ACTR3C: variants seen among roughly 807,000 people sequenced by gnomAD.
ACTR3C encodes the protein actin-related protein 3C.
In ACTR3C, 18 loss-of-function variants were observed where a neutral mutation model predicts 26.3. That is an observed-to-expected ratio of 0.68 (90% CI 0.47 to 1.01). ACTR3C has a LOEUF of 1.01. Ranked by LOEUF, ACTR3C falls within the 50% of genes least tolerant of loss-of-function variation. The pLI, the probability that ACTR3C is intolerant of heterozygous loss-of-function variation, is 0.00. For missense variants in ACTR3C, 184 were observed against 250.7 expected (o/e 0.73, Z 1.80); for synonymous variants, 55 against 94.5 (o/e 0.58, Z 2.42).
intron 1 of ACTR3C, among the ~76,000 whole-genome samples, chr7:150,301,457 C>T (rs1419911968): frequency 6.6e-6 from 1 of 152,190 alleles, no homozygotes; most frequent in Non-Finnish European, 1.5e-5. Context: ...CCAAATAAAT[C>T]CCAGATGGAT....
chr7:149,953,134 G>C, the ACTR3C span, among the ~76,000 whole-genome samples: 1 of 148,738 alleles, frequency 6.7e-6, no homozygotes. Flanking sequence ...TAAATGTGTA[G>C]TTAGAGACAT....
chr7:150,124,529 G>C, the ACTR3C span, among the ~76,000 whole-genome samples: 1 of 152,194 alleles, frequency 6.6e-6, no homozygotes, highest in Non-Finnish European at 1.5e-5. Flanking sequence ...TGTCTCAGAT[G>C]TTTCAGTGTT....
chr7:150,242,668 G>A (rs1336494941), downstream of ACTR3C, among the ~76,000 whole-genome samples: 1 of 152,192 alleles, frequency 6.6e-6, no homozygotes, highest in Admixed American at 6.5e-5. Context: ...TAGAAAAGGA[G>A]TATGTATGTG....
chr7:150,062,497 C>T, the ACTR3C span, among the ~76,000 whole-genome samples: 2 of 150,068 alleles, frequency 1.3e-5, no homozygotes, highest in Non-Finnish European at 2.9e-5. Flanking sequence ...CTGGAACACT[C>T]GAGATGGGCA....
chr7:149,953,656 T>C, the ACTR3C span, among the ~76,000 whole-genome samples: 4 of 152,300 alleles, frequency 2.6e-5, no homozygotes, highest in Middle Eastern at 0.01. Flanking sequence ...AAACACTCCG[T>C]CTTCGTTGCC....
At chr7:150,218,385 C>T in the ACTR3C span, among the ~76,000 whole-genome samples, 1 of 152,114 alleles carries the variant, frequency 6.6e-6, no homozygotes, top group Non-Finnish European at 1.5e-5. Flanking sequence ...TATTTTTTTT[C>T]CTTCTAGCTA....
At chr7:149,972,887 C>T in the ACTR3C span, among the ~76,000 whole-genome samples, 2 of 144,680 alleles carry the variant, frequency 1.4e-5, no homozygotes, top group African/African-American at 5.6e-5. Flanking sequence ...AAGCCCCGTG[C>T]GTGGGCGGCA....
At chr7:150,131,942 G>C in the ACTR3C span, among the ~76,000 whole-genome samples, 12 of 152,342 alleles carry the variant, frequency 7.9e-5, no homozygotes, top group South Asian at 2.5e-3. Context: ...CTGTGTGAAA[G>C]AAGCCAGCCA....
the ACTR3C span, among the ~76,000 whole-genome samples, chr7:149,889,202 A>G: frequency 1.3e-5 from 2 of 152,188 alleles, no homozygotes; most frequent in Non-Finnish European, 2.9e-5. Flanking sequence ...TTGAACTCTT[A>G]CTTCACAAAA....
the ACTR3C span, among the ~76,000 whole-genome samples, chr7:150,159,666 A>G: frequency 6.6e-6 from 1 of 152,106 alleles, no homozygotes; most frequent in East Asian, 1.9e-4. Flanking sequence ...GCACATCTCC[A>G]AGGAAGCAAG....
chr7:149,936,401 T>G, the ACTR3C span, among the ~76,000 whole-genome samples: 1 of 152,200 alleles, frequency 6.6e-6, no homozygotes, highest in African/African-American at 2.4e-5. Flanking sequence ...TGAGTTGAAC[T>G]TTCCATGATA....
chr7:150,312,382 C>CA lies in ACTR3C; in HGVS notation c.-52+11086dup, dbSNP rs541705257. 2.7e-3 allele frequency among the ~76,000 whole-genome samples: 405 copies of CA among 152,326 alleles called. 2 individuals are homozygous for CA. Among genetic ancestry groups the CA allele is most frequent in the South Asian group, 8.7e-3 (42 of 4,830 alleles). On this transcript the variant is annotated intron_variant, in intron 1 of 7. Transcript: ENST00000683684. ...GAACTTCTCCGTTCAGACCGCCACT[C>CA]ACACCTATGGGAAAAGGGTAATATA...
At chr7:150,040,041 T>G in the ACTR3C span, among the ~76,000 whole-genome samples, 1,722 of 126,748 alleles carry the variant, frequency 0.014, 133 homozygotes, top group African/African-American at 0.051. Context: ...TGGCTCTGAG[T>G]CCCCGCCTCG....
At chr7:150,221,477 C>T in the ACTR3C span, among the ~76,000 whole-genome samples, 3 of 152,084 alleles carry the variant, frequency 2.0e-5, no homozygotes, top group African/African-American at 4.8e-5. Flanking sequence ...ACCAAGGGCA[C>T]GTTAGGATAC....
the ACTR3C span, among the ~76,000 whole-genome samples, chr7:150,041,823 A>C: frequency 0.023 from 2,105 of 90,808 alleles, 2 homozygotes; most frequent in Middle Eastern, 0.053. Flanking sequence ...TGGGGGTACT[A>C]AGAGCCAGGG....
the ACTR3C span, among the ~76,000 whole-genome samples, chr7:150,095,717 G>A: frequency 4.0e-5 from 6 of 149,534 alleles, no homozygotes; most frequent in Admixed American, 6.6e-5. Flanking sequence ...TTGACATAAC[G>A]GACTATCATG....
At chr7:150,110,879 G>A in the ACTR3C span, among the ~76,000 whole-genome samples, 2 of 101,592 alleles carry the variant, frequency 2.0e-5, no homozygotes, top group South Asian at 2.6e-4. Flanking sequence ...CTTGCTGGGG[G>A]CGGGGCTGGC....
the ACTR3C span, among the ~76,000 whole-genome samples, chr7:150,196,927 T>C: frequency 1.3e-5 from 2 of 152,228 alleles, no homozygotes; most frequent in Non-Finnish European, 2.9e-5. Context: ...GCCCCTTCTC[T>C]GACTGCTGTG....
the ACTR3C span, among the ~76,000 whole-genome samples, chr7:149,918,374 T>C: frequency 1.3e-5 from 2 of 152,226 alleles, no homozygotes; most frequent in South Asian, 4.2e-4. Flanking sequence ...AAAAAATTTT[T>C]AAGCAATTAT....
Sources: gnomAD v4.1 joint callset for allele counts (sites outside exome capture counted in the v4.1 genomes callset) on GRCh38, gnomAD v4.1.1 for gene constraint, MANE v1.5 for transcripts, NCBI Gene and HGNC (gene_info 2026-07-23, HGNC 2026-07-21) for gene names.